ERP44: variants seen among roughly 807,000 people sequenced by gnomAD.
ERP44 encodes endoplasmic reticulum protein 44.
A neutral mutation model predicts 53.4 loss-of-function variants in ERP44; 25 were observed. That is an observed-to-expected ratio of 0.47 (90% CI 0.34 to 0.65). The LOEUF (loss-of-function observed/expected upper bound fraction) is 0.65, where lower values mean the gene tolerates loss of function less well. Ranked by LOEUF, ERP44 falls within the 30% of genes least tolerant of loss-of-function variation. ERP44 has a pLI of 0.01. For synonymous variants in ERP44, 145 were observed against 161.2 expected, an observed-to-expected ratio of 0.90 and a Z score of 0.76; for missense variants, 338 against 493.2, an observed-to-expected ratio of 0.69 and a Z score of 2.98.
intron 1 of ERP44, among the ~76,000 whole-genome samples, chr9:100,064,945 G>A (rs946252162): frequency 6.6e-6 from 1 of 152,214 alleles, no homozygotes; most frequent in East Asian, 1.9e-4. Flanking sequence ...AGAGTCAAAC[G>A]TTTATACAGT....
At chr9:100,073,424 G>A (rs1388518619) in intron 1 of ERP44, among the ~76,000 whole-genome samples, 1 of 152,098 alleles carries the variant, frequency 6.6e-6, no homozygotes, top group Admixed American at 6.5e-5. Context: ...AAGAGACCTA[G>A]GTTTTGGTAC....
intron 11 of ERP44, among the ~76,000 whole-genome samples, chr9:99,984,596 T>C (rs532675746): frequency 6.6e-6 from 1 of 152,344 alleles, no homozygotes; most frequent in African/African-American, 2.4e-5. Flanking sequence ...GTGGTCAATC[T>C]TCCAGCCACA....
chr9:100,026,229 G>A (rs548584807), intron 4 of ERP44, among the ~76,000 whole-genome samples: 7 of 152,250 alleles, frequency 4.6e-5, no homozygotes, highest in Admixed American at 3.3e-4. Context: ...TCACAAAGAC[G>A]AAAAATCTCC....
At chr9:100,027,010 A>G (rs1830660610) in intron 4 of ERP44, among the ~76,000 whole-genome samples, 1 of 152,246 alleles carries the variant, frequency 6.6e-6, no homozygotes, top group Non-Finnish European at 1.5e-5. Context: ...GTGTGCTAAC[A>G]GCAAGTATGC....
intron 1 of ERP44, among the ~76,000 whole-genome samples, chr9:100,096,756 T>G (rs533080278): frequency 9.5e-4 from 145 of 152,288 alleles, no homozygotes; most frequent in African/African-American, 3.4e-3. Flanking sequence ...TATCTGTATG[T>G]AAGAAGGAAT....
chr9:100,076,546 C>T (rs1020031542), intron 1 of ERP44, among the ~76,000 whole-genome samples: 3 of 152,216 alleles, frequency 2.0e-5, no homozygotes, highest in Non-Finnish European at 2.9e-5. Context: ...GAAATCTTCC[C>T]AGTGGGCAAA....
At chr9:100,027,735 C>T (rs1830667746) in intron 4 of ERP44, among the ~76,000 whole-genome samples, 1 of 152,056 alleles carries the variant, frequency 6.6e-6, no homozygotes, top group Non-Finnish European at 1.5e-5. Flanking sequence ...GGGGAAATTG[C>T]CTCATACTCG....
At chr9:100,002,129 A>T (rs1294041153) in intron 10 of ERP44, among the ~76,000 whole-genome samples, 1 of 1,538 alleles carries the variant, frequency 6.5e-4, no homozygotes, top group Non-Finnish European at 1.1e-3. Context: ...AACTTTATTC[A>T]CATAAAAAAA....
At chr9:100,046,024 T>C (rs991684483) in intron 4 of ERP44, among the ~76,000 whole-genome samples, 4 of 152,096 alleles carry the variant, frequency 2.6e-5, no homozygotes, top group African/African-American at 9.7e-5. Flanking sequence ...ATAGGGTCAA[T>C]ATAAAAAATC....
At chr9:100,058,010 A>C in intron 2 of ERP44, 151 bp from the exon 3 acceptor site, 1 of 614,966 alleles carries the variant, frequency 1.6e-6, no homozygotes, top group Non-Finnish European at 2.9e-6. Context: ...AGAGTCATGG[A>C]CAGCTTATAT....
At chr9:99,998,800 T>C in intron 10 of ERP44, 2 of 985,872 alleles carry the variant, frequency 2.0e-6, no homozygotes, top group Non-Finnish European at 3.1e-6. Flanking sequence ...GCTTCTCTTC[T>C]CGAATTCTCT....
At chr9:100,031,036 T>G (rs1273301549) in intron 4 of ERP44, among the ~76,000 whole-genome samples, 3 of 152,162 alleles carry the variant, frequency 2.0e-5, no homozygotes, top group Non-Finnish European at 2.9e-5. Context: ...CTGTAGCGAA[T>G]CTGGTGTACT....
At chr9:100,085,783 C>T (rs576261007) in intron 1 of ERP44, among the ~76,000 whole-genome samples, 3 of 152,220 alleles carry the variant, frequency 2.0e-5, no homozygotes, top group African/African-American at 7.2e-5. Context: ...CCTGTAATCT[C>T]AGCTACTTGG....
chr9:99,998,597 A>T, intron 10 of ERP44: 2 of 747,496 alleles, frequency 2.7e-6, no homozygotes, highest in Non-Finnish European at 5.0e-6. Context: ...GCCGTCATCC[A>T]CATGCTGTCT....
chr9:99,988,997 T>G (rs1830225010), intron 10 of ERP44, among the ~76,000 whole-genome samples: 1 of 152,188 alleles, frequency 6.6e-6, no homozygotes, highest in Non-Finnish European at 1.5e-5. Context: ...GTGCCTGCCA[T>G]TGCTGAGGCT....
chr9:100,049,520 C>T (rs374683839), intron 4 of ERP44, among the ~76,000 whole-genome samples: 13 of 152,140 alleles, frequency 8.5e-5, no homozygotes, highest in Non-Finnish European at 1.3e-4. Flanking sequence ...ATATTCTCAA[C>T]GTCATTAATT....
At chr9:100,053,897 A>G (rs1277715247) in intron 3 of ERP44, among the ~76,000 whole-genome samples, 1 of 152,200 alleles carries the variant, frequency 6.6e-6, no homozygotes, top group Non-Finnish European at 1.5e-5. Flanking sequence ...ATGTCAGTGA[A>G]CAGTTTAATC....
chr9:100,047,613 A>G (rs1250292785), intron 4 of ERP44, among the ~76,000 whole-genome samples: 2 of 152,184 alleles, frequency 1.3e-5, no homozygotes, highest in African/African-American at 4.8e-5. Context: ...TAAACTCTCT[A>G]AACACTCTAA....
intron 8 of ERP44, among the ~76,000 whole-genome samples, chr9:100,008,890 C>T (rs939310760): frequency 2.6e-5 from 4 of 152,034 alleles, no homozygotes; most frequent in Admixed American, 2.6e-4. Context: ...TACAAACATG[C>T]ATGACCATGC....
Sources: allele counts gnomAD v4.1 joint callset (sites outside exome capture counted in the v4.1 genomes callset), GRCh38; gene constraint gnomAD v4.1.1; transcripts MANE v1.5; gene names NCBI Gene and HGNC (gene_info 2026-07-23, HGNC 2026-07-21).